Variants in CTDSPL observed in about 807,000 individuals in gnomAD.
The protein encoded by CTDSPL is CTD small phosphatase-like protein.
A neutral mutation model predicts 30.5 loss-of-function variants in CTDSPL; 8 were observed. The ratio of observed to expected loss-of-function variants is 0.26; its 90% CI spans 0.15 to 0.47. The LOEUF is 0.47. Ranked by LOEUF, CTDSPL falls within the 20% of genes least tolerant of loss-of-function variation. The pLI, the probability that CTDSPL is intolerant of heterozygous loss-of-function variation, is 0.99. For missense variants in CTDSPL, 248 were observed against 366.1 expected, an observed-to-expected ratio of 0.68 and a Z score of 2.63; for synonymous variants, 110 against 137.9, an observed-to-expected ratio of 0.80 and a Z score of 1.42.
chr3:37,888,076 T>C (rs1442433525), intron 1 of CTDSPL, among the ~76,000 whole-genome samples: 2 of 152,058 alleles, frequency 1.3e-5, no homozygotes, highest in Non-Finnish European at 2.9e-5. Flanking sequence ...CTGTGCGAGA[T>C]GAAAGACATG....
At chr3:37,977,084 A>G (rs1699436502) in intron 7 of CTDSPL, among the ~76,000 whole-genome samples, 2 of 152,274 alleles carry the variant, frequency 1.3e-5, no homozygotes, top group Non-Finnish European at 2.9e-5. Flanking sequence ...CATTATTTGA[A>G]TAAATACTCC....
At chr3:37,931,927 A>C (rs1698860332) in intron 1 of CTDSPL, among the ~76,000 whole-genome samples, 2 of 152,182 alleles carry the variant, frequency 1.3e-5, no homozygotes, top group South Asian at 4.1e-4. Flanking sequence ...AGGGCTTGAT[A>C]AAGTGACTCT....
intron 1 of CTDSPL, among the ~76,000 whole-genome samples, chr3:37,919,997 A>G (rs976879434): frequency 3.9e-5 from 6 of 152,160 alleles, no homozygotes; most frequent in Admixed American, 2.6e-4. Flanking sequence ...TTTGCTTCCT[A>G]TATATGCTAT....
At chr3:37,974,484 T>C (rs1211049054) in intron 6 of CTDSPL, among the ~76,000 whole-genome samples, 1 of 152,234 alleles carries the variant, frequency 6.6e-6, no homozygotes, top group Non-Finnish European at 1.5e-5. Context: ...GTTGTACCCC[T>C]TACTTGGTCT....
In CTDSPL at chr3:37,982,581, C is replaced by T. The variant is rs1294715389; in HGVS notation, c.*1714C>T. The T allele has an allele frequency of 3.5e-5, 16 of 456,548 alleles. No individual in the cohort carries two copies. The highest frequency in any genetic ancestry group is 7.0e-5 in the Non-Finnish European group (16 of 226,988). The allele number at this position is 456,548 out of a possible 1,614,324, so 28.3% of individuals were successfully genotyped here. On this transcript the variant is annotated 3_prime_UTR_variant, in exon 8 of 8. Transcript: ENST00000273179. The stretch of plus-strand genomic sequence containing the variant: ...ATTCACAAAGTAATGAAGCCAGCTG[C>T]CAATTACATCCTCCCAACAGCACTT...
At chr3:37,948,879 GGC>G (rs1699076074) in intron 2 of CTDSPL, among the ~76,000 whole-genome samples, 1 of 141,672 alleles carries the variant, frequency 7.1e-6, no homozygotes, top group South Asian at 2.2e-4. Flanking sequence ...GGACTGCAGT[GGC>G]GCAATCTCGG....
intron 7 of CTDSPL, 137 bp downstream of exon 7, chr3:37,976,031 A>C: frequency 1.1e-6 from 1 of 932,074 alleles, no homozygotes; most frequent in Non-Finnish European, 1.6e-6. Flanking sequence ...GCCATTTAGC[A>C]GTTGCGTGTC....
At chr3:37,916,560 A>G (rs1467604649) in intron 1 of CTDSPL, among the ~76,000 whole-genome samples, 1 of 152,176 alleles carries the variant, frequency 6.6e-6, no homozygotes, top group African/African-American at 2.4e-5. Flanking sequence ...GGAGAAGATG[A>G]TAGAGGCAGA....
At chr3:37,889,971 G>A (rs769905267) in intron 1 of CTDSPL, among the ~76,000 whole-genome samples, 1 of 152,032 alleles carries the variant, frequency 6.6e-6, no homozygotes, top group Admixed American at 6.5e-5. Context: ...TGCTTCCTGC[G>A]GATTTTTTTC....
At chr3:37,960,689 C>T in intron 3 of CTDSPL, among the ~76,000 whole-genome samples, 1 of 151,038 alleles carries the variant, frequency 6.6e-6, no homozygotes, top group Admixed American at 6.6e-5. Flanking sequence ...AGGATGGCAC[C>T]ACTGCACTCC....
Position 37,862,362 on chromosome 3 carries a change from G to A in CTDSPL, c.79+84G>A. On this transcript the variant is annotated intron_variant, in intron 1 of 7. Coordinates refer to ENST00000273179, the MANE Select transcript of CTDSPL (RefSeq NM_001008392.2). The surrounding 1 kb of genome is among the most constrained non-coding windows in gnomAD (Gnocchi z 4.3). ...AGTTCACTGCCGGGCGCCGGCATGG[G>A]CCTGGGGGAGGGGTGCACAGGGCCC... The A allele has an allele frequency of 1.7e-6, 2 of 1,201,490 alleles. No homozygotes were observed. Among genetic ancestry groups the A allele is most frequent in the Non-Finnish European group, 2.2e-6 (2 of 924,286 alleles). The allele number at this position is 1,201,490 out of a possible 1,614,324, so 74.4% of individuals were successfully genotyped here.
Position 37,883,813 on chromosome 3 carries a change from A to T in CTDSPL, c.79+21535A>T, listed in dbSNP as rs146636651. 2.0e-5 allele frequency among the ~76,000 whole-genome samples: 3 copies of T among 152,268 alleles called. No homozygotes were observed. In the East Asian group the frequency reaches 5.8e-4, roughly 29 times the overall value. Reference sequence around the variant, plus strand: ...TCTCTTTCTTCTTGTATTTGTTTTGACAAGTTTCTTCTTCCTAGATATTTG... The same window carrying T: ...TCTCTTTCTTCTTGTATTTGTTTTGTCAAGTTTCTTCTTCCTAGATATTTG... On this transcript the variant is annotated intron_variant, in intron 1 of 7. Coordinates refer to ENST00000273179, the MANE Select transcript of CTDSPL (RefSeq NM_001008392.2).
chr3:37,963,262 C>T (rs1211498977), intron 3 of CTDSPL, among the ~76,000 whole-genome samples: 1 of 152,176 alleles, frequency 6.6e-6, no homozygotes, highest in African/African-American at 2.4e-5. Context: ...CCTGGGCAAC[C>T]CTGGACAGTC....
chr3:37,936,656 TAAAAAA>T (rs577097327), intron 1 of CTDSPL, among the ~76,000 whole-genome samples: 4 of 94,754 alleles, frequency 4.2e-5, no homozygotes, highest in South Asian at 7.8e-4. Flanking sequence ...TCTCCCCAGT[TAAAAAA>T]AAAAAAAAAA....
chr3:37,900,274 G>A (rs888226019), intron 1 of CTDSPL, among the ~76,000 whole-genome samples: 5 of 152,110 alleles, frequency 3.3e-5, no homozygotes, highest in African/African-American at 7.2e-5. Context: ...TTGTTTGGCC[G>A]GACATAAGGC....
intron 4 of CTDSPL, among the ~76,000 whole-genome samples, chr3:37,967,309 C>T (rs1397774412): frequency 1.3e-5 from 2 of 152,256 alleles, no homozygotes; most frequent in Non-Finnish European, 1.5e-5. Context: ...GTGTGGCCTG[C>T]GGCCTCTGAC....
intron 5 of CTDSPL, 67 bp from the exon 6 acceptor site, chr3:37,971,340 A>T (rs1044714824): frequency 1.4e-6 from 2 of 1,431,860 alleles, no homozygotes; most frequent in African/African-American, 1.4e-5. Flanking sequence ...TACAGTGGGC[A>T]TTTGGGCCCC....
intron 1 of CTDSPL, among the ~76,000 whole-genome samples, chr3:37,922,621 C>T (rs1266800788): frequency 6.6e-6 from 1 of 152,196 alleles, no homozygotes; most frequent in African/African-American, 2.4e-5. Context: ...CTAAACAGAC[C>T]ACCATTCTTT....
intron 3 of CTDSPL, among the ~76,000 whole-genome samples, chr3:37,961,827 A>C (rs1041265885): frequency 5.9e-5 from 9 of 152,216 alleles, no homozygotes; most frequent in African/African-American, 1.7e-4. Context: ...GAGGTACTAC[A>C]TCTGTAAGAT....
Sources: allele counts gnomAD v4.1 joint callset (sites outside exome capture counted in the v4.1 genomes callset), GRCh38; gene constraint gnomAD v4.1.1; non-coding constraint Gnocchi (gnomAD v3.1); transcripts MANE v1.5; gene names NCBI Gene and HGNC (gene_info 2026-07-23, HGNC 2026-07-21).